The following LEFTY1 variants were observed in gnomAD, a reference collection of about 807,000 sequenced individuals.
The protein encoded by LEFTY1 is left-right determination factor B.
LEFTY1 carries 18 observed loss-of-function variants against 22.6 expected under a neutral mutation model. The ratio of observed to expected loss-of-function variants is 0.80; its 90% CI spans 0.55 to 1.18. LEFTY1 has a LOEUF of 1.18. LEFTY1 is among the 50% of genes most tolerant of loss of function. The pLI is 0.00. For missense variants in LEFTY1, 414 were observed against 495.4 expected, an observed-to-expected ratio of 0.84 and a Z score of 1.56; for synonymous variants, 201 against 231.5, an observed-to-expected ratio of 0.87 and a Z score of 1.20.
Position 225,886,852 on chromosome 1 carries a change from T to C in LEFTY1, c.976A>G (p.Met326Val). ...CIASETDSLP[M>V]IVSIKEGGRT... is the part of the protein sequence containing the mutation. ...CCTCCCTCCTTGATGCTGACGATCA[T>C]GGGCAGCGAGTCAGTCTCCGAGGCG... Residue 326 changes from methionine (M) to valine (V), a missense_variant, in exon 4 of 4, where the codon ATG becomes GTG. By Grantham distance (21) the Met-to-Val change is conservative. This residue lies in a region of LEFTY1 where 398 missense variants were observed against 454.7 expected (regional missense o/e 0.88). Transcript: ENST00000272134. 2 of 1,613,896 alleles carry C rather than the reference T, an allele frequency of 1.2e-6. No individual in the cohort carries two copies. Among genetic ancestry groups the C allele is most frequent in the Non-Finnish European group, 8.5e-7 (1 of 1,180,030 alleles).
chr1:225,888,098 C>T, intron 1 of LEFTY1, 66 bp from the exon 2 acceptor site: 2 of 1,576,444 alleles, frequency 1.3e-6, no homozygotes, highest in South Asian at 2.3e-5. Flanking sequence ...GATGGCAGGG[C>T]CACTGAGCTG....
At position 225,887,939 on chromosome 1, in the gene LEFTY1, T is replaced by G. The variant is rs772471243; in HGVS notation, c.344A>C (p.Gln115Pro). The change falls in exon 2 of 4, where the codon CAG (glutamine) becomes CCG (proline). Residue 115 changes from glutamine to proline, a missense_variant. Transcript: ENST00000272134. ...CTCCTGGAAGAGCCGCAGCACGGCCTGCACCAGCTCGCTGTTGGGCGGCAG... is the reference window on the plus strand; with the variant it reads ...CTCCTGGAAGAGCCGCAGCACGGCCGGCACCAGCTCGCTGTTGGGCGGCAG... ...QRLPPNSELV[Q>P]AVLRLFQEPV... is the part of the protein sequence containing the mutation. 3 of 1,561,296 alleles carry G rather than the reference T, an allele frequency of 1.9e-6. No homozygotes were observed. Among genetic ancestry groups the G allele is most frequent in the South Asian group, 2.3e-5 (2 of 86,590 alleles).
Position 225,887,053 on chromosome 1 carries a change from C to G in LEFTY1, c.775G>C (p.Glu259Gln), listed in dbSNP as rs139440539. The G allele has an allele frequency of 6.3e-7, 1 of 1,598,940 alleles. No individual in the cohort carries two copies. Among genetic ancestry groups the G allele is most frequent in the Non-Finnish European group, 8.5e-7 (1 of 1,172,016 alleles). Residue 259 changes from glutamate (E) to glutamine (Q), a missense_variant, in exon 4 of 4, where the codon GAG becomes CAG. Glu to Gln is a conservative substitution (Grantham distance 29). Around this residue, in one of 2 missense-constraint regions of LEFTY1, gnomAD observed 398 missense variants for 454.7 expected, o/e 0.88. Transcript: ENST00000272134. ...GDCDPEAPMT[E>Q]GTRCCRQEMY... is the part of the protein sequence containing the mutation. ...TCCTGGCGGCAGCAGCGGGTGCCCT[C>G]GGTCATTGGTGCTTCAGGGTCACAG...
chr1:225,887,671 G>T, intron 2 of LEFTY1, 33 bp from the exon 3 acceptor site: 1 of 1,611,704 alleles, frequency 6.2e-7, no homozygotes, highest in Non-Finnish European at 8.5e-7. Context: ...AGCGCCGCTT[G>T]AGGGCGGGGA....
rs570726921 is a variant in LEFTY1, at chr1:225,888,884, G to A, written c.183C>T (p.Tyr61=). The part of the protein sequence containing the change: ...LVIPTHVRAQ[Y]VALLQRSHGD... ...CGTGGCTGCGCTGCAGCAGGGCCAC[G>A]TACTGGGCCCTCACGTGGGTGGGGA... The change falls in exon 1 of 4, where the codon TAC becomes TAT. Residue 61 remains tyrosine (Y), a synonymous_variant. Transcript: ENST00000272134. 5.6e-6 allele frequency: 9 copies of A among 1,613,290 alleles called. No homozygotes were observed. The highest frequency in any genetic ancestry group is 1.3e-5 in the African/African-American group (1 of 75,074).
Position 225,886,601 on chromosome 1 carries a change from T to C in LEFTY1, c.*126A>G. ...AGGTAACTTGTCAGAGGAAGCAAAT[T>C]CAGGGCTCACTAGAGAGCACAGAGC... On this transcript the variant is annotated 3_prime_UTR_variant, in exon 4 of 4. Transcript: ENST00000272134. 6.6e-7 allele frequency: 1 copy of C among 1,508,470 alleles called. No individual in the cohort carries two copies. The highest frequency in any genetic ancestry group is 1.3e-5 in the South Asian group (1 of 76,366). 93.4% of individuals were successfully genotyped at this position (1,508,470 alleles called of 1,614,324 possible).
chr1:225,888,689 C>G, intron 1 of LEFTY1, 128 bp downstream of exon 1: 1 of 1,300,442 alleles, frequency 7.7e-7, no homozygotes, highest in Non-Finnish European at 1.1e-6. Flanking sequence ...CCTCACTGCC[C>G]CTTAGACCGT....
chr1:225,887,141 C>CAG (rs1671295858), intron 3 of LEFTY1, 51 bp from the exon 4 acceptor site: 5 of 1,551,154 alleles, frequency 3.2e-6, no homozygotes, highest in Non-Finnish European at 4.3e-6. Flanking sequence ...GGGCTGAGGT[C>CAG]AGAGGGCGTC....
At chr1:225,887,680 G>C in intron 2 of LEFTY1, 42 bp from the exon 3 acceptor site, 1 of 1,610,802 alleles carries the variant, frequency 6.2e-7, no homozygotes, top group Non-Finnish European at 8.5e-7. Context: ...TGAGGGCGGG[G>C]ACTGGGACGG....
chr1:225,888,996 C>T lies in LEFTY1; in HGVS notation c.71G>A (p.Gly24Glu). The T allele has an allele frequency of 1.9e-6, 3 of 1,568,416 alleles. No individual in the cohort carries two copies. Among genetic ancestry groups the T allele is most frequent in the South Asian group, 1.2e-5 (1 of 85,114 alleles). ...PLASPGAALT[G>E]EQLLGSLLRQ... ...CAGCAGGCTGCCCAGGAGCTGCTCCCCGGTCAGGGCGGCCCCGGGGCTGGC... is the reference window on the plus strand; with the variant it reads ...CAGCAGGCTGCCCAGGAGCTGCTCCTCGGTCAGGGCGGCCCCGGGGCTGGC... Residue 24 changes from glycine (G) to glutamate (E), a missense_variant, in exon 1 of 4, where the codon GGG becomes GAG. Gly to Glu is a moderately conservative substitution (Grantham distance 98, BLOSUM62 -2). Around this residue, in one of 2 missense-constraint regions of LEFTY1, gnomAD observed 398 missense variants for 454.7 expected, o/e 0.88. Transcript: ENST00000272134.
In LEFTY1 at chr1:225,886,902, G is replaced by A. The variant is rs748619158; in HGVS notation, c.926C>T (p.Pro309Leu). The change falls in exon 4 of 4, where the codon CCG becomes CTG. Residue 309 changes from proline to leucine, a missense_variant. By Grantham distance (98) the Pro-to-Leu change is moderately conservative. This residue lies in a region of LEFTY1 where 398 missense variants were observed against 454.7 expected (regional missense o/e 0.88). Transcript: ENST00000272134. ...GATGCACTGTCGAGGCCCCAGAAAC[G>A]GCCACTTGAAGGCCAGGGCCTCCGG... The part of the protein sequence containing the change: ...QPPEALAFKW[P>L]FLGPRQCIAS... The A allele has an allele frequency of 1.1e-5, 17 of 1,613,830 alleles. No homozygotes were observed. Among genetic ancestry groups the A allele is most frequent in the South Asian group, 9.9e-5 (9 of 91,086 alleles).
chr1:225,888,575 G>A (rs1559060217), intron 1 of LEFTY1, among the ~76,000 whole-genome samples: 1 of 152,194 alleles, frequency 6.6e-6, no homozygotes, highest in South Asian at 2.1e-4. Flanking sequence ...TATGCTCCAA[G>A]TAGAACTCAG....
Position 225,886,678 on chromosome 1 carries a change from A to G in LEFTY1, c.*49T>C. ...GCCAGCTCTCCTGGTACCCTCGAAC[A>G]CTTCAGAAACACACACAAGTCAAGT... On this transcript the variant is annotated 3_prime_UTR_variant, in exon 4 of 4. Coordinates refer to ENST00000272134, the MANE Select transcript of LEFTY1 (RefSeq NM_020997.4). The G allele has an allele frequency of 6.2e-7, 1 of 1,611,496 alleles. No individual in the cohort carries two copies. The highest frequency in any genetic ancestry group is 2.2e-5 in the East Asian group (1 of 44,872).
At position 225,886,944 on chromosome 1, in the gene LEFTY1, C is replaced by T. The variant is rs767221982; in HGVS notation, c.884G>A (p.Gly295Asp). 10 of 1,613,170 alleles carry T rather than the reference C, an allele frequency of 6.2e-6. No individual in the cohort carries two copies. Among genetic ancestry groups the T allele is most frequent in the Non-Finnish European group, 7.6e-6 (9 of 1,179,830 alleles). Residue 295 changes from glycine to aspartate, a missense_variant, in exon 4 of 4, where the codon GGC becomes GAC. Around this residue, in one of 2 missense-constraint regions of LEFTY1, gnomAD observed 398 missense variants for 454.7 expected, o/e 0.88. Coordinates refer to ENST00000272134, the MANE Select transcript of LEFTY1 (RefSeq NM_020997.4). ...GGCCTCCGGGGGCTGCCGGCAGGTGCCCACACACTCATAAGCCAGGAAGCC... is the reference window on the plus strand; with the variant it reads ...GGCCTCCGGGGGCTGCCGGCAGGTGTCCACACACTCATAAGCCAGGAAGCC... ...PPGFLAYECV[G>D]TCRQPPEALA...
chr1:225,886,807 C>G lies in LEFTY1; in HGVS notation c.1021G>C (p.Val341Leu). 1 of 1,613,838 alleles carries G rather than the reference C, an allele frequency of 6.2e-7. No homozygotes were observed. Among genetic ancestry groups the G allele is most frequent in the South Asian group, 1.1e-5 (1 of 91,082 alleles). The change falls in exon 4 of 4, where the codon GTC becomes CTC. Residue 341 changes from valine to leucine, a missense_variant. Transcript: ENST00000272134. The part of the protein sequence containing the change: ...KEGGRTRPQV[V>L]SLPNMRVQKC... ...TGCACCCTCATGTTGGGCAGGCTGA[C>G]CACCTGGGGCCTGGTCCTGCCTCCC...
Position 225,888,143 on chromosome 1 carries a change from T to G in LEFTY1, c.251-111A>C, listed in dbSNP as rs371502340. ...CCAGGAGACACCGGCCCTGTTCTATTTCTGGGGCAAACCCAGTTTACAAAT... is the reference window on the plus strand; with the variant it reads ...CCAGGAGACACCGGCCCTGTTCTATGTCTGGGGCAAACCCAGTTTACAAAT... On this transcript the variant is annotated intron_variant, in intron 1 of 3. Transcript: ENST00000272134. 7.7e-6 allele frequency: 11 copies of G among 1,434,810 alleles called. No homozygotes were observed. In the South Asian group the frequency reaches 1.2e-4, roughly 16 times the overall value. The allele number at this position is 1,434,810 out of a possible 1,614,324, so 88.9% of individuals were successfully genotyped here. A position where few individuals can be genotyped will look rare whatever the true frequency, so the allele number is the denominator to read the frequency against.
chr1:225,886,618 G>T lies in LEFTY1; in HGVS notation c.*109C>A, dbSNP rs1671282783. On this transcript the variant is annotated 3_prime_UTR_variant, in exon 4 of 4. Transcript: ENST00000272134. ...AAGCAAATTCAGGGCTCACTAGAGA[G>T]CACAGAGCATTTGTCCATCAGCAGT... is the stretch of plus-strand genomic sequence containing the variant. 1.3e-6 allele frequency: 2 copies of T among 1,561,956 alleles called. No individual in the cohort carries two copies. Among genetic ancestry groups the T allele is most frequent in the East Asian group, 4.5e-5 (2 of 44,528 alleles).
In LEFTY1 at chr1:225,886,974, G is replaced by GGCTCC; in HGVS notation, c.849_853dup (p.Pro285ArgfsTer44). ...ACACTCATAAGCCAGGAAGCCCGGG[G>GGCTCC]GCTCCAGCACCCAGTTCTCGGCCCA... On this transcript the variant is annotated frameshift_variant, in exon 4 of 4. Transcript: ENST00000272134. LOFTEE classifies it low-confidence loss of function (END_TRUNC). The GGCTCC allele has an allele frequency of 6.2e-7, 1 of 1,612,112 alleles. No homozygotes were observed. Among genetic ancestry groups the GGCTCC allele is most frequent in the South Asian group, 1.1e-5 (1 of 91,014 alleles).
chr1:225,888,508 A>ATAC (rs1671333594), intron 1 of LEFTY1, among the ~76,000 whole-genome samples: 1 of 152,206 alleles, frequency 6.6e-6, no homozygotes, highest in African/African-American at 2.4e-5. Context: ...GATGGGCAAG[A>ATAC]CATAGTTATA....
Sources: allele counts gnomAD v4.1 joint callset (sites outside exome capture counted in the v4.1 genomes callset), GRCh38; gene constraint gnomAD v4.1.1; regional missense constraint gnomAD v4.1.1; transcripts MANE v1.5; gene names NCBI Gene and HGNC (gene_info 2026-07-23, HGNC 2026-07-21).